Variants in ZDHHC14 observed in about 807,000 individuals in gnomAD.
The protein encoded by ZDHHC14 is zDHHC palmitoyltransferase 14, also known as palmitoyltransferase ZDHHC14.
In ZDHHC14, 16 loss-of-function variants were observed where a neutral mutation model predicts 47.7. The ratio of observed to expected loss-of-function variants is 0.34; its 90% CI spans 0.23 to 0.51. The LOEUF (loss-of-function observed/expected upper bound fraction) is 0.51, where lower values mean the gene tolerates loss of function less well. Ranked by LOEUF, ZDHHC14 falls within the 20% of genes least tolerant of loss-of-function variation. The pLI is 0.97. For missense variants in ZDHHC14, 515 were observed against 662.5 expected, an observed-to-expected ratio of 0.78 and a Z score of 2.44; for synonymous variants, 293 against 278.9, an observed-to-expected ratio of 1.05 and a Z score of -0.50.
chr6:157,564,726 C>T (rs1187249562), intron 2 of ZDHHC14, among the ~76,000 whole-genome samples: 1 of 152,164 alleles, frequency 6.6e-6, no homozygotes, highest in Non-Finnish European at 1.5e-5. Context: ...TATTAAAGTA[C>T]CACTGAGCAC....
chr6:157,670,595 G>A (rs530311879), intron 8 of ZDHHC14, among the ~76,000 whole-genome samples: 11 of 152,130 alleles, frequency 7.2e-5, no homozygotes, highest in African/African-American at 1.4e-4. Flanking sequence ...GTGCCCGGCC[G>A]CCTTCCAAGT....
At chr6:157,667,323 G>C (rs745782515) in intron 8 of ZDHHC14, among the ~76,000 whole-genome samples, 7 of 152,148 alleles carry the variant, frequency 4.6e-5, no homozygotes, top group African/African-American at 7.2e-5. Flanking sequence ...CCACCAAATT[G>C]TAAGAGAGAA....
intron 7 of ZDHHC14, among the ~76,000 whole-genome samples, chr6:157,652,412 G>A (rs1202971581): frequency 6.6e-6 from 1 of 152,208 alleles, no homozygotes; most frequent in Non-Finnish European, 1.5e-5. Flanking sequence ...ACCTGGGGAA[G>A]ATTCTGCGCT....
intron 1 of ZDHHC14, among the ~76,000 whole-genome samples, chr6:157,454,638 G>A (rs995385273): frequency 2.0e-5 from 3 of 151,882 alleles, no homozygotes; most frequent in Middle Eastern, 6.8e-3. Flanking sequence ...CCAAGTGCTG[G>A]GATTACAAGC....
At chr6:157,397,538 G>A (rs990298355) in intron 1 of ZDHHC14, among the ~76,000 whole-genome samples, 6 of 152,182 alleles carry the variant, frequency 3.9e-5, no homozygotes, top group South Asian at 2.1e-4. Flanking sequence ...CCCTCTGCCC[G>A]CAGCCAGGAA....
intron 1 of ZDHHC14, among the ~76,000 whole-genome samples, chr6:157,513,371 T>C (rs1299332199): frequency 6.6e-6 from 1 of 152,212 alleles, no homozygotes; most frequent in East Asian, 1.9e-4. Context: ...TCCACACCTG[T>C]CAGGACAGGC....
chr6:157,569,951 G>A (rs551446995), intron 2 of ZDHHC14, among the ~76,000 whole-genome samples: 5 of 152,162 alleles, frequency 3.3e-5, no homozygotes, highest in Non-Finnish European at 7.4e-5. Flanking sequence ...CCTTAATGAA[G>A]ATTTTTATTC....
intron 1 of ZDHHC14, among the ~76,000 whole-genome samples, chr6:157,486,847 G>C (rs141115594): frequency 6.6e-6 from 1 of 152,212 alleles, no homozygotes; most frequent in Non-Finnish European, 1.5e-5. Context: ...ACAGAAGGAA[G>C]TGTGGTGAGC....
intron 2 of ZDHHC14, among the ~76,000 whole-genome samples, chr6:157,555,467 A>G (rs763363793): frequency 2.6e-5 from 4 of 152,170 alleles, no homozygotes; most frequent in Non-Finnish European, 2.9e-5. Flanking sequence ...TTACGTGGCT[A>G]TTTTTTATCG....
chr6:157,444,955 G>T (rs1778631304), intron 1 of ZDHHC14, among the ~76,000 whole-genome samples: 1 of 152,106 alleles, frequency 6.6e-6, no homozygotes, highest in Non-Finnish European at 1.5e-5. Context: ...GTGGCCAGAA[G>T]CTGGGCTCAA....
At chr6:157,435,875 G>T (rs1187166151) in intron 1 of ZDHHC14, among the ~76,000 whole-genome samples, 1 of 152,192 alleles carries the variant, frequency 6.6e-6, no homozygotes, top group African/African-American at 2.4e-5. Flanking sequence ...CCAAGGGCCT[G>T]GCAGCGTGGC....
chr6:157,478,156 C>T (rs1302494164), intron 1 of ZDHHC14, among the ~76,000 whole-genome samples: 2 of 152,172 alleles, frequency 1.3e-5, no homozygotes, highest in Non-Finnish European at 2.9e-5. Flanking sequence ...GCAAACTTTG[C>T]ATTAAACATG....
chr6:157,560,843 A>G (rs1188249528), intron 2 of ZDHHC14, among the ~76,000 whole-genome samples: 1 of 152,210 alleles, frequency 6.6e-6, no homozygotes, highest in African/African-American at 2.4e-5. Context: ...CAGAAGCATT[A>G]TGAGGAACGG....
At chr6:157,555,286 G>A (rs1267925201) in intron 2 of ZDHHC14, among the ~76,000 whole-genome samples, 2 of 152,194 alleles carry the variant, frequency 1.3e-5, no homozygotes, top group East Asian at 1.9e-4. Context: ...ACACAGACAC[G>A]GAGCTGGTCA....
intron 2 of ZDHHC14, among the ~76,000 whole-genome samples, chr6:157,571,471 A>G (rs1284769868): frequency 6.6e-6 from 1 of 152,238 alleles, no homozygotes; most frequent in East Asian, 1.9e-4. Flanking sequence ...CAACAAAAAC[A>G]AACAGTTTAA....
intron 5 of ZDHHC14, 68 bp from the exon 6 acceptor site, chr6:157,645,668 TC>T: frequency 7.6e-7 from 1 of 1,310,112 alleles, no homozygotes; most frequent in South Asian, 1.3e-5. Flanking sequence ...GTGTTTCGGT[TC>T]CAGGCCTCCA....
chr6:157,600,299 A>C (rs908885362), intron 3 of ZDHHC14, among the ~76,000 whole-genome samples: 1 of 152,250 alleles, frequency 6.6e-6, no homozygotes, highest in African/African-American at 2.4e-5. Context: ...ACATGGAAGG[A>C]TGTATTCCAG....
intron 6 of ZDHHC14, among the ~76,000 whole-genome samples, chr6:157,646,787 A>G (rs553072646): frequency 4.9e-4 from 74 of 152,188 alleles, no homozygotes; most frequent in Non-Finnish European, 5.7e-4. Flanking sequence ...AGGTTGTGAT[A>G]AGACACATGA....
chr6:157,612,651 G>A (rs34940471), intron 3 of ZDHHC14, among the ~76,000 whole-genome samples: 90,514 of 151,966 alleles, frequency 0.6, 28,050 homozygotes, highest in East Asian at 0.74. Flanking sequence ...GCCCACAGTT[G>A]GGTAAGCTTC....
Sources: allele counts gnomAD v4.1 joint callset (sites outside exome capture counted in the v4.1 genomes callset), GRCh38; gene constraint gnomAD v4.1.1; transcripts MANE v1.5; gene names NCBI Gene and HGNC (gene_info 2026-07-23, HGNC 2026-07-21).